Variants in TRMT10B observed in about 807,000 individuals in gnomAD.
The protein encoded by TRMT10B is tRNA methyltransferase 10 homolog B.
TRMT10B carries 33 observed loss-of-function variants against 43.8 expected under a neutral mutation model. The ratio of observed to expected loss-of-function variants is 0.75; its 90% CI spans 0.57 to 1.01. The LOEUF (loss-of-function observed/expected upper bound fraction) is 1.01, where lower values mean the gene tolerates loss of function less well. Among genes scored for constraint, TRMT10B ranks in the 50% least tolerant of loss-of-function variants. The probability of loss-of-function intolerance (pLI) is 0.00; values close to 1 mark genes in which losing one functional copy is unlikely to be tolerated. For synonymous variants in TRMT10B, 137 were observed against 130.6 expected (o/e 1.05, Z -0.34); for missense variants, 362 against 369.8 (o/e 0.98, Z 0.17).
At chr9:37,771,264 TAAG>T (rs1483228172) in intron 7 of TRMT10B, among the ~76,000 whole-genome samples, 2 of 152,304 alleles carry the variant, frequency 1.3e-5, no homozygotes, top group African/African-American at 2.4e-5. Context: ...ACATAGATAA[TAAG>T]TTTAATAAAA....
In TRMT10B at chr9:37,767,876, C is replaced by T. The variant is rs372779844; in HGVS notation, c.421-200C>T. Among the ~76,000 whole-genome samples, 15 of 152,282 alleles carry T rather than the reference C, an allele frequency of 9.9e-5. No homozygotes were observed. The South Asian group carries it at 1.5e-3, about 15-fold the overall frequency. ...GGAGGGCGAATTCCGTTTTCCACTA[C>T]CTCACTGTTTCTGGACTTGTATCAT... On this transcript the variant is annotated intron_variant, in intron 4 of 8. Transcript: ENST00000297994.
rs200754365 is a variant in TRMT10B, at chr9:37,777,623, C to A, written c.867C>A (p.Tyr289Ter). ...INQVFDILST[Y>*]LETHNWPEAL... ...CAGTGTTTGATATCCTGTCCACTTACTTAGAGACTCACAACTGGCCTGAAG... is the reference window on the plus strand; with the variant it reads ...CAGTGTTTGATATCCTGTCCACTTAATTAGAGACTCACAACTGGCCTGAAG... Residue 289 changes from tyrosine (Y) to a stop codon, truncating the protein, a stop_gained, in exon 9 of 9, where the codon TAC (tyrosine) becomes TAA (stop). Transcript: ENST00000297994. LOFTEE classifies it high-confidence loss of function. 3,822 of 1,613,866 alleles carry A rather than the reference C, an allele frequency of 2.4e-3. 12 individuals carry two copies. The highest frequency in any genetic ancestry group is 2.5e-3 in the Non-Finnish European group (2,974 of 1,179,844).
intron 5 of TRMT10B, 37 bp downstream of exon 5, chr9:37,768,265 T>G (rs749410304): frequency 6.4e-7 from 1 of 1,569,968 alleles, no homozygotes; most frequent in Non-Finnish European, 8.7e-7. Flanking sequence ...AATTGTCATC[T>G]GAAAAGTTAT....
At chr9:37,762,197 G>A in intron 2 of TRMT10B, 80 bp downstream of exon 2, 1 of 1,403,430 alleles carries the variant, frequency 7.1e-7, no homozygotes, top group Non-Finnish European at 9.6e-7. Context: ...ATGGATACTG[G>A]TAGTGAAAAG....
intron 1 of TRMT10B, among the ~76,000 whole-genome samples, chr9:37,758,622 ATAACTT>A (rs1825966431): frequency 6.6e-6 from 1 of 152,358 alleles, no homozygotes; most frequent in East Asian, 1.9e-4. Flanking sequence ...CAGAAATACT[ATAACTT>A]GAACAAGAAG....
At chr9:37,756,193 C>T (rs1254717851) in intron 1 of TRMT10B, among the ~76,000 whole-genome samples, 3 of 152,172 alleles carry the variant, frequency 2.0e-5, no homozygotes, top group African/African-American at 7.2e-5. Flanking sequence ...AGGAAGAGAT[C>T]ACATGGCTAT....
intron 4 of TRMT10B, 65 bp downstream of exon 4, chr9:37,763,818 T>C (rs778465321): frequency 6.2e-7 from 1 of 1,611,230 alleles, no homozygotes; most frequent in South Asian, 1.1e-5. Context: ...GGTACAGCTT[T>C]CCGAAGAATA....
chr9:37,764,147 T>C (rs556867425), intron 4 of TRMT10B, among the ~76,000 whole-genome samples: 4 of 152,028 alleles, frequency 2.6e-5, no homozygotes, highest in African/African-American at 9.6e-5. Context: ...ATGTGTGTGT[T>C]TTTTGTTGTT....
intron 1 of TRMT10B, among the ~76,000 whole-genome samples, chr9:37,761,376 G>A (rs1826305033): frequency 6.6e-6 from 1 of 152,176 alleles, no homozygotes; most frequent in Non-Finnish European, 1.5e-5. Flanking sequence ...ATTGCTTGGA[G>A]ACGTCAGGTG....
intron 3 of TRMT10B, 28 bp from the exon 4 acceptor site, chr9:37,763,601 T>G (rs780541734): frequency 8.7e-6 from 14 of 1,600,258 alleles, no homozygotes; most frequent in Non-Finnish European, 1.2e-5. Flanking sequence ...TTTTCCACTT[T>G]TATTTCTTTC....
chr9:37,769,929 T>C lies in TRMT10B; in HGVS notation c.574-12T>C, dbSNP rs201931478. 20 of 1,612,982 alleles carry C rather than the reference T, an allele frequency of 1.2e-5. No homozygotes were observed. Among genetic ancestry groups the C allele is most frequent in the Non-Finnish European group, 1.7e-5 (20 of 1,179,048 alleles). On this transcript the variant is annotated splice_polypyrimidine_tract_variant and intron_variant, in intron 5 of 8. Transcript: ENST00000297994. ...TGAGCTGTTTTAACATCAGACTGTT[T>C]GCATTTTCCAGTTAGACATAACAGA...
intron 7 of TRMT10B, among the ~76,000 whole-genome samples, chr9:37,772,123 C>T (rs970667454): frequency 1.3e-5 from 2 of 152,224 alleles, no homozygotes; most frequent in Non-Finnish European, 2.9e-5. Flanking sequence ...TTGAACCGCC[C>T]GCCTCAGCCT....
intron 4 of TRMT10B, 115 bp from the exon 5 acceptor site, chr9:37,767,961 A>G: frequency 9.0e-7 from 1 of 1,107,014 alleles, no homozygotes; most frequent in Non-Finnish European, 1.3e-6. Flanking sequence ...ATGTACTCCT[A>G]GTACATGGGG....
chr9:37,755,050 C>A lies in TRMT10B; in HGVS notation c.-30+1198C>A, dbSNP rs187476845. On this transcript the variant is annotated intron_variant, in intron 1 of 8. Coordinates refer to ENST00000297994, the MANE Select transcript of TRMT10B (RefSeq NM_144964.4). ...CTTTGGGAGGCCCAGACAGGTGGGT[C>A]GCGAGGTCAGGAGATCGAGACCATC... Among the ~76,000 whole-genome samples the A allele has an allele frequency of 2.6e-3, 402 of 152,068 alleles. 6 individuals carry two copies. The highest frequency in any genetic ancestry group is 0.017 in the South Asian group (83 of 4,800).
chr9:37,770,107 A>G (rs938159049), intron 6 of TRMT10B, 88 bp downstream of exon 6: 16 of 1,187,606 alleles, frequency 1.3e-5, no homozygotes, highest in Admixed American at 1.7e-5. Flanking sequence ...GCCCCTCAAG[A>G]AGGACACCCC....
At chr9:37,771,422 T>C (rs183253692) in intron 7 of TRMT10B, among the ~76,000 whole-genome samples, 5 of 151,804 alleles carry the variant, frequency 3.3e-5, no homozygotes, top group Non-Finnish European at 7.4e-5. Context: ...AAGTATGTGT[T>C]TGTGGGTATA....
upstream of TRMT10B, among the ~76,000 whole-genome samples, chr9:37,753,383 G>C (rs563779546): frequency 6.6e-6 from 1 of 152,118 alleles, no homozygotes; most frequent in Non-Finnish European, 1.5e-5. Flanking sequence ...TATAATATCA[G>C]TGCATGTCCA....
intron 4 of TRMT10B, 149 bp downstream of exon 4, chr9:37,763,902 T>C: frequency 6.7e-7 from 1 of 1,497,814 alleles, no homozygotes; most frequent in Non-Finnish European, 9.0e-7. Context: ...GTTACTAAGT[T>C]CCAAGGTGGC....
intron 8 of TRMT10B, 29 bp from the exon 9 acceptor site, chr9:37,777,572 C>A: frequency 6.5e-7 from 1 of 1,542,152 alleles, no homozygotes; most frequent in South Asian, 1.1e-5. Flanking sequence ...CCTCTGTGGT[C>A]ACTGTGTTTT....
Sources: allele counts gnomAD v4.1 joint callset (sites outside exome capture counted in the v4.1 genomes callset), GRCh38; gene constraint gnomAD v4.1.1; transcripts MANE v1.5; gene names NCBI Gene and HGNC (gene_info 2026-07-23, HGNC 2026-07-21).